ZNF385B: variants seen among roughly 807,000 people sequenced by gnomAD.
ZNF385B encodes the protein zinc finger protein 533.
ZNF385B carries 23 observed loss-of-function variants against 39.2 expected under a neutral mutation model. The ratio of observed to expected loss-of-function variants is 0.59; its 90% confidence interval spans 0.42 to 0.83. The LOEUF is 0.83. Ranked by LOEUF, ZNF385B falls within the 40% of genes least tolerant of loss-of-function variation. The probability of loss-of-function intolerance (pLI) is 0.00; values close to 1 mark genes in which losing one functional copy is unlikely to be tolerated. For synonymous variants in ZNF385B, 205 were observed against 222.6 expected, an observed-to-expected ratio of 0.92 and a Z score of 0.70; for missense variants, 552 against 598.9, an observed-to-expected ratio of 0.92 and a Z score of 0.82.
At chr2:179,756,574 T>C (rs1302350706) in intron 3 of ZNF385B, among the ~76,000 whole-genome samples, 1 of 152,216 alleles carries the variant, frequency 6.6e-6, no homozygotes, top group Non-Finnish European at 1.5e-5. Context: ...TGAAGAGTGT[T>C]TTCCAACTTG....
intron 3 of ZNF385B, among the ~76,000 whole-genome samples, chr2:179,663,069 T>A (rs986730010): frequency 6.6e-6 from 1 of 152,232 alleles, no homozygotes; most frequent in Non-Finnish European, 1.5e-5. Context: ...TAGTTGTTTT[T>A]GCCTAAGGCC....
intron 3 of ZNF385B, among the ~76,000 whole-genome samples, chr2:179,751,128 C>T (rs192716425): frequency 3.2e-4 from 48 of 151,978 alleles, no homozygotes; most frequent in African/African-American, 1.1e-3. Flanking sequence ...TTCCTGAAAA[C>T]TAAAGAAAGA....
intron 3 of ZNF385B, among the ~76,000 whole-genome samples, chr2:179,589,812 T>C (rs780187794): frequency 3.9e-5 from 6 of 152,220 alleles, no homozygotes; most frequent in Non-Finnish European, 8.8e-5. Context: ...TGGAAAGCTA[T>C]GTATTGGGCC....
At chr2:179,562,493 T>G in intron 3 of ZNF385B, 2 of 985,404 alleles carry the variant, frequency 2.0e-6, no homozygotes, top group East Asian at 2.3e-4. Context: ...CATCTCAACC[T>G]GGTGCTCCCG....
chr2:179,501,143 A>C (rs545028951), intron 5 of ZNF385B, among the ~76,000 whole-genome samples: 69 of 152,296 alleles, frequency 4.5e-4, no homozygotes, highest in Admixed American at 3.1e-3. Flanking sequence ...TATTGGTGGG[A>C]ATGTAAATTA....
chr2:179,725,031 C>T (rs143582309), intron 3 of ZNF385B, among the ~76,000 whole-genome samples: 3,027 of 152,024 alleles, frequency 0.02, 90 homozygotes, highest in African/African-American at 0.067. Flanking sequence ...ACATAATTCA[C>T]ATAAAAAATA....
intron 3 of ZNF385B, among the ~76,000 whole-genome samples, chr2:179,720,991 A>T (rs1473348944): frequency 6.8e-6 from 1 of 147,260 alleles, no homozygotes; most frequent in East Asian, 2.0e-4. Context: ...CTTATCTCAA[A>T]CACCTAGCCT....
chr2:179,840,406 C>T (rs1369516128), intron 1 of ZNF385B, among the ~76,000 whole-genome samples: 1 of 152,070 alleles, frequency 6.6e-6, no homozygotes, highest in East Asian at 1.9e-4. Flanking sequence ...CATCAAAGTT[C>T]AATGATAAGA....
chr2:179,844,141 C>T (rs1423371953), intron 1 of ZNF385B, among the ~76,000 whole-genome samples: 2 of 152,204 alleles, frequency 1.3e-5, no homozygotes, highest in Non-Finnish European at 1.5e-5. Flanking sequence ...ACAGAAAATG[C>T]CTGCGTAACC....
intron 3 of ZNF385B, among the ~76,000 whole-genome samples, chr2:179,756,404 C>A (rs1703021761): frequency 1.3e-5 from 2 of 152,072 alleles, no homozygotes; most frequent in Non-Finnish European, 2.9e-5. Context: ...CTCTGGCTGC[C>A]CTTAACATTT....
At chr2:179,475,794 A>G (rs1191847443) in intron 6 of ZNF385B, among the ~76,000 whole-genome samples, 5 of 6,672 alleles carry the variant, frequency 7.5e-4, no homozygotes, top group African/African-American at 2.6e-3. Flanking sequence ...AGGTGGGCAG[A>G]TCACTTGAGG....
chr2:179,654,953 G>C lies in ZNF385B; in HGVS notation c.299-109984C>G, dbSNP rs151223561. On this transcript the variant is annotated intron_variant, in intron 3 of 9. Transcript: ENST00000410066. ...TGCAGTATGATTTTTGAGGCATATG[G>C]AGACAGAATCTGAGCCAATATATTT... Among the ~76,000 whole-genome samples, 619 of 152,208 alleles carry C rather than the reference G, an allele frequency of 4.1e-3. 4 individuals are homozygous for C. Among genetic ancestry groups the C allele is most frequent in the African/African-American group, 0.014 (567 of 41,536 alleles).
At chr2:179,720,359 C>G (rs1210537669) in intron 3 of ZNF385B, among the ~76,000 whole-genome samples, 2 of 131,016 alleles carry the variant, frequency 1.5e-5, no homozygotes, top group African/African-American at 5.7e-5. Context: ...GTATTCCATC[C>G]AAAAGCATGA....
chr2:179,612,859 G>T (rs1689406413), intron 3 of ZNF385B, among the ~76,000 whole-genome samples: 1 of 152,212 alleles, frequency 6.6e-6, no homozygotes, highest in African/African-American at 2.4e-5. Flanking sequence ...GTCTAGAGAT[G>T]CCATCCAGGA....
At chr2:179,595,555 C>G (rs1218010961) in intron 3 of ZNF385B, among the ~76,000 whole-genome samples, 1 of 151,874 alleles carries the variant, frequency 6.6e-6, no homozygotes, top group South Asian at 2.1e-4. Context: ...GCCCAGTTCT[C>G]TGATAGGGCT....
At chr2:179,606,404 T>C (rs1178586288) in intron 3 of ZNF385B, among the ~76,000 whole-genome samples, 3 of 152,202 alleles carry the variant, frequency 2.0e-5, no homozygotes, top group Non-Finnish European at 4.4e-5. Context: ...TTTCTTGAAA[T>C]GCCTCATTAG....
At chr2:179,517,907 T>C (rs375616755) in intron 5 of ZNF385B, among the ~76,000 whole-genome samples, 26 of 152,338 alleles carry the variant, frequency 1.7e-4, no homozygotes, top group African/African-American at 5.8e-4. Flanking sequence ...TGAAACTTTC[T>C]CTATATTTTA....
At chr2:179,704,443 C>G (rs1016970384) in intron 3 of ZNF385B, among the ~76,000 whole-genome samples, 1 of 152,108 alleles carries the variant, frequency 6.6e-6, no homozygotes, top group Non-Finnish European at 1.5e-5. Context: ...TTACAGGAAG[C>G]ATGTATGGCT....
chr2:179,717,207 T>C (rs1167417434), intron 3 of ZNF385B, among the ~76,000 whole-genome samples: 2 of 152,236 alleles, frequency 1.3e-5, no homozygotes, highest in Non-Finnish European at 2.9e-5. Flanking sequence ...TCCAAGTGAC[T>C]GCTTATTTTC....
Sources: allele counts gnomAD v4.1 joint callset (sites outside exome capture counted in the v4.1 genomes callset), GRCh38; gene constraint gnomAD v4.1.1; transcripts MANE v1.5; gene names NCBI Gene and HGNC (gene_info 2026-07-23, HGNC 2026-07-21).